IL1RAPL2: variants seen among roughly 807,000 people sequenced by gnomAD.
IL1RAPL2 encodes the protein interleukin 1 receptor accessory protein like 2.
In IL1RAPL2, 3 loss-of-function variants were observed where a neutral mutation model predicts 44.1. The ratio of observed to expected loss-of-function variants is 0.07; its 90% CI spans 0.03 to 0.18. The LOEUF is 0.18. IL1RAPL2 is among the 10% of genes least tolerant of loss of function. The pLI, the probability that IL1RAPL2 is intolerant of heterozygous loss-of-function variation, is 1.00. For missense variants in IL1RAPL2, 391 were observed against 496.4 expected, an observed-to-expected ratio of 0.79 and a Z score of 2.02; for synonymous variants, 181 against 178.8, an observed-to-expected ratio of 1.01 and a Z score of -0.10.
intron 5 of IL1RAPL2, among the ~76,000 whole-genome samples, chrX:105,391,006 G>A (rs2035517632): frequency 8.9e-6 from 1 of 111,868 alleles, no homozygotes; most frequent in African/African-American, 3.2e-5. Context: ...CACTTTTACA[G>A]ACATTTTCTT....
At chrX:104,572,159 T>C (rs967082124) in intron 1 of IL1RAPL2, among the ~76,000 whole-genome samples, 3 of 111,918 alleles carry the variant, frequency 2.7e-5, no homozygotes, top group Non-Finnish European at 5.6e-5. Context: ...GCAGGTGGTC[T>C]GTCCAAATTG....
intron 6 of IL1RAPL2, among the ~76,000 whole-genome samples, chrX:105,495,302 A>G (rs1046224922): frequency 8.9e-6 from 1 of 112,254 alleles, no homozygotes; most frequent in Non-Finnish European, 1.9e-5. Context: ...AAAAGAGTAT[A>G]ATATAAAATA....
At chrX:105,163,709 G>A (rs1320937192) in intron 2 of IL1RAPL2, among the ~76,000 whole-genome samples, 7 of 111,439 alleles carry the variant, frequency 6.3e-5, no homozygotes. Flanking sequence ...GGTCTTGAGA[G>A]TGTATGGCTG....
intron 2 of IL1RAPL2, among the ~76,000 whole-genome samples, chrX:105,070,980 G>A (rs2032200122): frequency 9.0e-6 from 1 of 111,327 alleles, no homozygotes; most frequent in South Asian, 3.7e-4. Context: ...AGCTACATGG[G>A]ACAGCTGAGC....
At chrX:105,065,466 T>C (rs779561130) in intron 2 of IL1RAPL2, among the ~76,000 whole-genome samples, 9 of 111,616 alleles carry the variant, frequency 8.1e-5, no homozygotes, top group Non-Finnish European at 1.7e-4. Flanking sequence ...TCCCATCTGA[T>C]CCCAGACAGA....
At chrX:104,911,537 C>T (rs888956493) in intron 2 of IL1RAPL2, among the ~76,000 whole-genome samples, 3 of 111,625 alleles carry the variant, frequency 2.7e-5, no homozygotes, top group African/African-American at 9.8e-5. Flanking sequence ...TCTTCTTTGT[C>T]TTCACTACCA....
At chrX:105,276,625 T>C (rs115103608) in intron 5 of IL1RAPL2, among the ~76,000 whole-genome samples, 2,379 of 112,065 alleles carry the variant, frequency 0.021, 61 homozygotes, top group African/African-American at 0.073. Flanking sequence ...GAAGTCTGGA[T>C]TTTTGTGTGG....
intron 2 of IL1RAPL2, among the ~76,000 whole-genome samples, chrX:104,684,339 C>T (rs763792987): frequency 8.9e-6 from 1 of 111,790 alleles, no homozygotes; most frequent in African/African-American, 3.3e-5. Flanking sequence ...CTCATTCCAG[C>T]GTCACAGATG....
chrX:105,738,696 C>T (rs766661521), intron 7 of IL1RAPL2, among the ~76,000 whole-genome samples: 46 of 111,241 alleles, frequency 4.1e-4, no homozygotes, highest in South Asian at 1.5e-3. Flanking sequence ...CCATTTTCAT[C>T]TCACCCAGAA....
At chrX:104,588,715 G>A (rs1399909856) in intron 1 of IL1RAPL2, among the ~76,000 whole-genome samples, 1 of 111,855 alleles carries the variant, frequency 8.9e-6, no homozygotes, top group Admixed American at 9.5e-5. Context: ...CAAACAAGTT[G>A]CTTGTTTATA....
intron 2 of IL1RAPL2, among the ~76,000 whole-genome samples, chrX:104,905,903 C>A (rs1173367052): frequency 6.3e-5 from 7 of 110,351 alleles, no homozygotes; most frequent in Non-Finnish European, 1.3e-4. Flanking sequence ...GCAGTATGGC[C>A]ATTTTCATGA....
intron 2 of IL1RAPL2, among the ~76,000 whole-genome samples, chrX:104,916,508 C>T (rs1924438751): frequency 9.0e-6 from 1 of 111,606 alleles, no homozygotes; most frequent in South Asian, 3.8e-4. Context: ...ATCATGTCAT[C>T]TGCAAACAGG....
At chrX:105,409,136 A>G (rs1208627621) in intron 5 of IL1RAPL2, among the ~76,000 whole-genome samples, 1 of 110,430 alleles carries the variant, frequency 9.1e-6, no homozygotes, top group Non-Finnish European at 1.9e-5. Flanking sequence ...TTCAAACAAA[A>G]CATTGATGTT....
chrX:104,766,064 G>A lies in IL1RAPL2; in HGVS notation c.82+107069G>A, dbSNP rs754466721. 5.3e-5 allele frequency among the ~76,000 whole-genome samples: 6 copies of A among 112,329 alleles called. No individual in the cohort carries two copies. In the East Asian group the frequency reaches 1.4e-3, roughly 26 times the overall value. ...GAAAAGTACAGAGTGAAGACTGACT[G>A]TCTGCATTGGCACAGTCAGAGGGAT... On this transcript the variant is annotated intron_variant, in intron 2 of 10. Coordinates refer to ENST00000372582, the MANE Select transcript of IL1RAPL2 (RefSeq NM_017416.2).
At chrX:105,651,127 T>C (rs763389183) in intron 6 of IL1RAPL2, among the ~76,000 whole-genome samples, 49 of 111,628 alleles carry the variant, frequency 4.4e-4, no homozygotes, top group Non-Finnish European at 9.4e-5. Flanking sequence ...ATTATAAAGC[T>C]ATCCCACACA....
intron 6 of IL1RAPL2, among the ~76,000 whole-genome samples, chrX:105,627,643 G>C (rs1021202483): frequency 8.9e-6 from 1 of 111,756 alleles, no homozygotes; most frequent in Non-Finnish European, 1.9e-5. Context: ...AATTTATGTT[G>C]TTACTAAAAA....
intron 5 of IL1RAPL2, among the ~76,000 whole-genome samples, chrX:105,268,926 CTTG>C (rs1314991235): frequency 3.4e-4 from 4 of 11,664 alleles, no homozygotes; most frequent in African/African-American, 1.4e-3. Context: ...CAAAAAACAT[CTTG>C]TTGTATAACC....
intron 2 of IL1RAPL2, among the ~76,000 whole-genome samples, chrX:104,695,058 A>G (rs1602684665): frequency 8.9e-6 from 1 of 112,042 alleles, no homozygotes; most frequent in African/African-American, 3.2e-5. Context: ...TTGGTCTGCT[A>G]CTTCTGCCAT....
intron 5 of IL1RAPL2, among the ~76,000 whole-genome samples, chrX:105,355,237 A>G (rs1291763605): frequency 9.0e-6 from 1 of 111,547 alleles, no homozygotes; most frequent in Admixed American, 9.6e-5. Context: ...TGTGGTACCC[A>G]TGCCCACTTC....
Sources: gnomAD v4.1 joint callset for allele counts (sites outside exome capture counted in the v4.1 genomes callset) on GRCh38, gnomAD v4.1.1 for gene constraint, MANE v1.5 for transcripts, NCBI Gene and HGNC (gene_info 2026-07-23, HGNC 2026-07-21) for gene names.